Variants in DSPP observed in about 807,000 individuals in gnomAD.
The protein encoded by DSPP is deafness, autosomal dominant 39.
A neutral mutation model predicts 29.1 loss-of-function variants in DSPP; 28 were observed. The observed-to-expected ratio is 0.96, with a 90% confidence interval of 0.71 to 1.32. The LOEUF is 1.32. DSPP is among the 40% of genes most tolerant of loss of function. The pLI, the probability that DSPP is intolerant of heterozygous loss-of-function variation, is 0.00. For synonymous variants in DSPP, 481 were observed against 503.4 expected, an observed-to-expected ratio of 0.96 and a Z score of 0.60; for missense variants, 1,281 against 1,629.9, an observed-to-expected ratio of 0.79 and a Z score of 3.69.
rs764046429 is a variant in DSPP, at chr4:87,614,036, G to T, written c.1374G>T (p.Lys458Asn). 6.2e-7 allele frequency: 1 copy of T among 1,614,250 alleles called. No individual in the cohort carries two copies. The highest frequency in any genetic ancestry group is 1.7e-5 in the Admixed American group (1 of 60,032). ...DGYDSYDFDD[K>N]SMQGDDPNSS... ...ATGACAGTTATGATTTTGATGATAA[G>T]TCCATGCAAGGAGATGATCCCAATA... The change falls in exon 5 of 5, where the codon AAG becomes AAT. Residue 458 changes from lysine (K) to asparagine (N), a missense_variant. Physicochemically the swap from Lys to Asn is moderately conservative, Grantham distance 94. Around this residue, in one of 4 missense-constraint regions of DSPP, gnomAD observed 631 missense variants for 643.2 expected, o/e 0.98. Coordinates refer to ENST00000651931, the MANE Select transcript of DSPP (RefSeq NM_014208.3).
chr4:87,616,269 G>A lies in DSPP; in HGVS notation c.3607G>A (p.Asp1203Asn), dbSNP rs1338342352. 3.6e-6 allele frequency: 5 copies of A among 1,382,804 alleles called. 1 individual carries two copies. Among genetic ancestry groups the A allele is most frequent in the African/African-American group, 1.9e-5 (1 of 51,538 alleles). 85.7% of individuals were successfully genotyped at this position (1,382,804 alleles called of 1,614,324 possible). ...SDSSDSSDSS[D>N]SSDSSDSSDS... ...CAGCAGCGATAGCAGCGACAGCAGC[G>A]ATAGTAGTGATAGCAGTGACAGCAG... Residue 1203 changes from aspartate (D) to asparagine (N), a missense_variant, in exon 5 of 5, where the codon GAT becomes AAT. Asp to Asn is a conservative substitution (Grantham distance 23). Coordinates refer to ENST00000651931, the MANE Select transcript of DSPP (RefSeq NM_014208.3).
In DSPP at chr4:87,610,967, T is replaced by C; in HGVS notation, c.51+8T>C. 3 of 1,613,068 alleles carry C rather than the reference T, an allele frequency of 1.9e-6. No homozygotes were observed. Among genetic ancestry groups the C allele is most frequent in the Middle Eastern group, 1.7e-4 (1 of 6,056 alleles). ...GTAGCATGGGCCATTCCAGTAAGTATGCCTTTCTTAGAAAACCTCTTCACT... is the reference window on the plus strand; with the variant it reads ...GTAGCATGGGCCATTCCAGTAAGTACGCCTTTCTTAGAAAACCTCTTCACT... On this transcript the variant is annotated splice_region_variant and intron_variant, in intron 2 of 4. Coordinates refer to ENST00000651931, the MANE Select transcript of DSPP (RefSeq NM_014208.3).
At position 87,614,131 on chromosome 4, in the gene DSPP, A is replaced by T. The variant is rs576210149; in HGVS notation, c.1469A>T (p.Asp490Val). 10 of 1,614,228 alleles carry T rather than the reference A, an allele frequency of 6.2e-6. No individual in the cohort carries two copies. Among genetic ancestry groups the T allele is most frequent in the African/African-American group, 1.3e-5 (1 of 75,062 alleles). ...ESDNNSSSRG[D>V]ASYNSDESKD... ...GACAATAACAGCAGTAGCCGAGGAG[A>T]TGCTTCTTATAACTCTGATGAATCA... Residue 490 changes from aspartate (D) to valine (V), a missense_variant, in exon 5 of 5, where the codon GAT becomes GTT. By Grantham distance (152) the Asp-to-Val change is radical. Transcript: ENST00000651931.
rs1727843904 is a variant in DSPP at position 87,615,085 on chromosome 4, ATAG to A, written c.2424_2426del (p.Ser810del). The A allele has an allele frequency of 6.5e-7, 1 of 1,548,354 alleles. No individual in the cohort carries two copies. ...AGCAGTGATAGCAGCAACAGCAGTG[ATAG>A]CAGTGATAGCAGTGACAGCAGTGAT... On this transcript the variant is annotated inframe_deletion, in exon 5 of 5. Coordinates refer to ENST00000651931, the MANE Select transcript of DSPP (RefSeq NM_014208.3).
chr4:87,615,830 TAGC>T lies in DSPP; in HGVS notation c.3171_3173del (p.Ser1058del). 1 of 1,459,638 alleles carries T rather than the reference TAGC, an allele frequency of 6.9e-7. No homozygotes were observed. The highest frequency in any genetic ancestry group is 9.1e-7 in the Non-Finnish European group (1 of 1,100,624). 90.4% of individuals were successfully genotyped at this position (1,459,638 alleles called of 1,614,324 possible). Reference sequence around the variant, plus strand: ...GCAGTGACAGCAGTGACAGCAGCAATAGCAGTGACAGCAGTGACAGCAGCGACA... The same window carrying T: ...GCAGTGACAGCAGTGACAGCAGCAATAGTGACAGCAGTGACAGCAGCGACA... On this transcript the variant is annotated inframe_deletion, in exon 5 of 5. Coordinates refer to ENST00000651931, the MANE Select transcript of DSPP (RefSeq NM_014208.3).
In DSPP at chr4:87,610,887, A is replaced by G. The variant is rs1003698155; in HGVS notation, c.-22A>G. On this transcript the variant is annotated 5_prime_UTR_variant, in exon 2 of 5. Transcript: ENST00000651931. ...CTGTTCCTTTTTTATACAGCCATTGATTATTATTATTCCTAAAGAAAATGA... is the reference window on the plus strand; with the variant it reads ...CTGTTCCTTTTTTATACAGCCATTGGTTATTATTATTCCTAAAGAAAATGA... 3 of 1,601,084 alleles carry G rather than the reference A, an allele frequency of 1.9e-6. No homozygotes were observed. Among genetic ancestry groups the G allele is most frequent in the Non-Finnish European group, 2.6e-6 (3 of 1,168,256 alleles).
chr4:87,610,413 T>C (rs78749278), intron 1 of DSPP, among the ~76,000 whole-genome samples: 1 of 152,222 alleles, frequency 6.6e-6, no homozygotes, highest in Non-Finnish European at 1.5e-5. Context: ...ACAAACCCCG[T>C]ATTCTTTCCA....
At chr4:87,610,859 G>C in intron 1 of DSPP, 22 bp from the exon 2 acceptor site, 1 of 1,476,854 alleles carries the variant, frequency 6.8e-7, no homozygotes, top group South Asian at 1.1e-5. Flanking sequence ...AAGTAATTTT[G>C]TGCTGTTCCT....
At position 87,613,989 on chromosome 4, in the gene DSPP, A is replaced by G. The variant is rs1331763531; in HGVS notation, c.1327A>G (p.Ser443Gly). 3.7e-6 allele frequency: 6 copies of G among 1,614,260 alleles called. No individual in the cohort carries two copies. Among genetic ancestry groups the G allele is most frequent in the Non-Finnish European group, 5.1e-6 (6 of 1,180,044 alleles). The change falls in exon 5 of 5, where the codon AGT becomes GGT. Residue 443 changes from serine (S) to glycine (G), a missense_variant. Physicochemically the swap from Ser to Gly is moderately conservative, Grantham distance 56 (BLOSUM62 0). Around this residue, in one of 4 missense-constraint regions of DSPP, gnomAD observed 631 missense variants for 643.2 expected, o/e 0.98. Coordinates refer to ENST00000651931, the MANE Select transcript of DSPP (RefSeq NM_014208.3). Reference sequence around the variant, plus strand: ...TAAAGTTGGACACAGCAATACAGGTAGTGACAGCAATAGTGATGGATATGA... The same window carrying G: ...TAAAGTTGGACACAGCAATACAGGTGGTGACAGCAATAGTGATGGATATGA... ...GNKVGHSNTG[S>G]DSNSDGYDSY... is the part of the protein sequence containing the mutation.
rs764906834 is a variant in DSPP at position 87,612,809 on chromosome 4, G to T, written c.623G>T (p.Gly208Val). ...ATTGAGAATTCCTGTAGAAACGAGG[G>T]TAATACAAGTGAAATAACACCTCAG... is the stretch of plus-strand genomic sequence containing the variant. ...EIIENSCRNE[G>V]NTSEITPQIN... Residue 208 changes from glycine (G) to valine (V), a missense_variant, in exon 4 of 5, where the codon GGT becomes GTT. Physicochemically the swap from Gly to Val is moderately radical, Grantham distance 109 (BLOSUM62 -3). This residue lies in a region of DSPP where 631 missense variants were observed against 643.2 expected (regional missense o/e 0.98). Coordinates refer to ENST00000651931, the MANE Select transcript of DSPP (RefSeq NM_014208.3). 4 of 1,614,166 alleles carry T rather than the reference G, an allele frequency of 2.5e-6. No homozygotes were observed. The highest frequency in any genetic ancestry group is 1.1e-5 in the South Asian group (1 of 91,080).
At chr4:87,610,441 A>G (rs552943527) in intron 1 of DSPP, among the ~76,000 whole-genome samples, 1 of 152,318 alleles carries the variant, frequency 6.6e-6, no homozygotes, top group East Asian at 1.9e-4. Context: ...AGGCTCCCTC[A>G]TGTTAGTAAT....
At position 87,614,492 on chromosome 4, in the gene DSPP, C is replaced by A. The variant is rs1270848230; in HGVS notation, c.1830C>A (p.Ser610Arg). The change falls in exon 5 of 5, where the codon AGC (serine) becomes AGA (arginine). Residue 610 changes from serine (S) to arginine (R), a missense_variant. Transcript: ENST00000651931. ...NSSDSSDSSD[S>R]SDSSDSSDSS... ...GTGACAGTAGTGACAGCAGTGATAG[C>A]AGTGACAGTAGTGATAGTAGTGACA... 1 of 1,551,322 alleles carries A rather than the reference C, an allele frequency of 6.4e-7. No individual in the cohort carries two copies. The highest frequency in any genetic ancestry group is 1.4e-5 in the African/African-American group (1 of 73,032).
Position 87,614,238 on chromosome 4 carries a change from A to G in DSPP, c.1576A>G (p.Ser526Gly). ...DSTSDTNNSD[S>G]NGNGNNGNDD... ...CACATCAGACACTAATAATAGTGAC[A>G]GTAATGGCAATGGTAACAATGGGAA... is the stretch of plus-strand genomic sequence containing the variant. The change falls in exon 5 of 5, where the codon AGT (serine) becomes GGT (glycine). Residue 526 changes from serine (S) to glycine (G), a missense_variant. By Grantham distance (56) the Ser-to-Gly change is moderately conservative (BLOSUM62 0). Around this residue, in one of 4 missense-constraint regions of DSPP, gnomAD observed 631 missense variants for 643.2 expected, o/e 0.98. Coordinates refer to ENST00000651931, the MANE Select transcript of DSPP (RefSeq NM_014208.3). 6.2e-7 allele frequency: 1 copy of G among 1,614,300 alleles called. No individual in the cohort carries two copies. Among genetic ancestry groups the G allele is most frequent in the South Asian group, 1.1e-5 (1 of 91,088 alleles).
In DSPP at chr4:87,612,339, T is replaced by C. The variant is rs760419956; in HGVS notation, c.153T>C (p.Ser51=). 21 of 1,613,984 alleles carry C rather than the reference T, an allele frequency of 1.3e-5. No individual in the cohort carries two copies. The highest frequency in any genetic ancestry group is 1.6e-4 in the Middle Eastern group (1 of 6,084). ...NVSVQDELNA[S]GTIKESGVLV... ...TTTTTCAGGATGAGTTAAATGCCAGTGGAACCATCAAAGAAAGTGGTGTCC... is the reference window on the plus strand; with the variant it reads ...TTTTTCAGGATGAGTTAAATGCCAGCGGAACCATCAAAGAAAGTGGTGTCC... Residue 51 remains serine, a synonymous_variant, in exon 4 of 5, where the codon AGT becomes AGC. Coordinates refer to ENST00000651931, the MANE Select transcript of DSPP (RefSeq NM_014208.3).
At position 87,613,967 on chromosome 4, in the gene DSPP, A is replaced by G; in HGVS notation, c.1305A>G (p.Lys435=). ...GPGQKSEPGN[K]VGHSNTGSDS... ...GCCAAAAATCAGAACCAGGAAATAAAGTTGGACACAGCAATACAGGTAGTG... is the reference window on the plus strand; with the variant it reads ...GCCAAAAATCAGAACCAGGAAATAAGGTTGGACACAGCAATACAGGTAGTG... Residue 435 remains lysine, a synonymous_variant, in exon 5 of 5, where the codon AAA becomes AAG. Transcript: ENST00000651931. 5 of 1,614,230 alleles carry G rather than the reference A, an allele frequency of 3.1e-6. No individual in the cohort carries two copies. The highest frequency in any genetic ancestry group is 4.2e-6 in the Non-Finnish European group (5 of 1,180,042).
Position 87,612,692 on chromosome 4 carries a change from A to G in DSPP, c.506A>G (p.Asp169Gly). Residue 169 changes from aspartate to glycine, a missense_variant, in exon 4 of 5, where the codon GAT becomes GGT. Asp to Gly is a moderately conservative substitution (Grantham distance 94). This residue lies in a region of DSPP where 631 missense variants were observed against 643.2 expected (regional missense o/e 0.98). Transcript: ENST00000651931. ...AATACCCAAAATGGGGATGTTGGCGATGCAGGTCACAATGAGGATGTCGCT... is the reference window on the plus strand; with the variant it reads ...AATACCCAAAATGGGGATGTTGGCGGTGCAGGTCACAATGAGGATGTCGCT... ...DKNTQNGDVGDAGHNEDVAVV... is the reference protein window; with the variant it reads ...DKNTQNGDVGGAGHNEDVAVV... 6.2e-7 allele frequency: 1 copy of G among 1,614,200 alleles called. No homozygotes were observed. The highest frequency in any genetic ancestry group is 8.5e-7 in the Non-Finnish European group (1 of 1,180,016).
In DSPP at chr4:87,611,029, TAGTGTG is replaced by T. The variant is rs1419893784; in HGVS notation, c.51+71_51+76del. 3.4e-5 allele frequency: 35 copies of T among 1,031,086 alleles called. No homozygotes were observed. In the African/African-American group the frequency reaches 8.2e-4, roughly 24 times the overall value. 63.9% of individuals were successfully genotyped at this position (1,031,086 alleles called of 1,614,324 possible). On this transcript the variant is annotated intron_variant, in intron 2 of 4. Coordinates refer to ENST00000651931, the MANE Select transcript of DSPP (RefSeq NM_014208.3). ...TTTAACCTAACATTAATACAAAATG[TAGTGTG>T]TGTGTGTGTGTGTGTGTGTGTGTGT...
In DSPP at chr4:87,613,038, C is replaced by T; in HGVS notation, c.852C>T (p.Asp284=). The change falls in exon 4 of 5, where the codon GAC becomes GAT. Residue 284 remains aspartate, a synonymous_variant. Transcript: ENST00000651931. ...ACAGCAAGGGCCAGGAGGGCCAGGA[C>T]CATGGGAAAGAAGATGATCATGATA... is the stretch of plus-strand genomic sequence containing the variant. ...SNNSKGQEGQ[D]HGKEDDHDSS... 4 of 1,613,916 alleles carry T rather than the reference C, an allele frequency of 2.5e-6. No individual in the cohort carries two copies. The highest frequency in any genetic ancestry group is 3.4e-6 in the Non-Finnish European group (4 of 1,179,998).
Position 87,612,524 on chromosome 4 carries a change from C to T in DSPP, c.338C>T (p.Thr113Ile), listed in dbSNP as rs758523060. The T allele has an allele frequency of 2.0e-5, 33 of 1,613,790 alleles. No homozygotes were observed. In the South Asian group the frequency reaches 3.5e-4, roughly 17 times the overall value. ...AATATTGAGGGCTGGAATGGGGACACAGGAAAAGCAGAAACATATGGTCAT... is the reference window on the plus strand; with the variant it reads ...AATATTGAGGGCTGGAATGGGGACATAGGAAAAGCAGAAACATATGGTCAT... Reference protein sequence around the residue: ...EGNIEGWNGDTGKAETYGHDG... With the variant: ...EGNIEGWNGDIGKAETYGHDG... Residue 113 changes from threonine (T) to isoleucine (I), a missense_variant, in exon 4 of 5, where the codon ACA becomes ATA. Physicochemically the swap from Thr to Ile is moderately conservative, Grantham distance 89. Coordinates refer to ENST00000651931, the MANE Select transcript of DSPP (RefSeq NM_014208.3).
Sources: allele counts gnomAD v4.1 joint callset (sites outside exome capture counted in the v4.1 genomes callset), GRCh38; gene constraint gnomAD v4.1.1; regional missense constraint gnomAD v4.1.1; transcripts MANE v1.5; gene names NCBI Gene and HGNC (gene_info 2026-07-23, HGNC 2026-07-21).